Variants in PTPRM observed in about 807,000 individuals in gnomAD.
PTPRM encodes protein tyrosine phosphatase receptor type M, also known as receptor-type tyrosine-protein phosphatase mu.
In PTPRM, 47 loss-of-function variants were observed where a neutral mutation model predicts 186.7. The ratio of observed to expected loss-of-function variants is 0.25; its 90% CI spans 0.20 to 0.32. PTPRM has a LOEUF of 0.32. Ranked by LOEUF, PTPRM falls within the 10% of genes least tolerant of loss-of-function variation. The probability of loss-of-function intolerance (pLI) is 1.00; values close to 1 mark genes in which losing one functional copy is unlikely to be tolerated. For missense variants in PTPRM, 1,494 were observed against 1,865.0 expected (o/e 0.80, Z 3.66); for synonymous variants, 668 against 674.9 (o/e 0.99, Z 0.16).
intron 1 of PTPRM, among the ~76,000 whole-genome samples, chr18:7,648,374 T>A (rs1017883747): frequency 4.5e-4 from 68 of 152,204 alleles, no homozygotes; most frequent in African/African-American, 1.5e-3. Context: ...CCTCTAAGTG[T>A]TTAAGAGAAA....
At chr18:8,368,278 A>G (rs2095644252) in intron 23 of PTPRM, among the ~76,000 whole-genome samples, 1 of 151,938 alleles carries the variant, frequency 6.6e-6, no homozygotes, top group Admixed American at 6.6e-5. Context: ...TGTTACTGTC[A>G]AATTAGACAT....
At chr18:8,240,453 G>A (rs1238668995) in intron 14 of PTPRM, among the ~76,000 whole-genome samples, 2 of 77,492 alleles carry the variant, frequency 2.6e-5, no homozygotes, top group Non-Finnish European at 5.3e-5. Context: ...AAGAGAGAGA[G>A]AGAGAGAGAG....
chr18:8,157,273 G>A (rs1306464335), intron 14 of PTPRM, among the ~76,000 whole-genome samples: 3 of 152,200 alleles, frequency 2.0e-5, no homozygotes, highest in Non-Finnish European at 4.4e-5. Flanking sequence ...GCTGGCCCCA[G>A]TAAATATTAA....
chr18:8,126,987 G>A (rs2092382833), intron 13 of PTPRM, among the ~76,000 whole-genome samples: 2 of 152,014 alleles, frequency 1.3e-5, no homozygotes, highest in African/African-American at 4.8e-5. Context: ...AAGGACTTTG[G>A]TCTTGATCCC....
At chr18:8,092,958 G>A (rs1005807779) in intron 11 of PTPRM, among the ~76,000 whole-genome samples, 1 of 152,022 alleles carries the variant, frequency 6.6e-6, no homozygotes, top group Non-Finnish European at 1.5e-5. Flanking sequence ...GATCAGCCTG[G>A]ACAACATAGA....
intron 22 of PTPRM, among the ~76,000 whole-genome samples, chr18:8,337,947 G>T (rs75563241): frequency 0.095 from 14,417 of 152,236 alleles, 907 homozygotes; most frequent in East Asian, 0.2. Context: ...TGACATGTGG[G>T]GTTTACAGTC....
At position 8,337,504 on chromosome 18, in the gene PTPRM, G is replaced by A. The variant is rs529752218; in HGVS notation, c.2957-5919G>A. The stretch of plus-strand genomic sequence containing the variant: ...TTAACACTAGGCTGAGTGCTTAACT[G>A]CTGCACGCAGGGGTGGCCACTCATA... On this transcript the variant is annotated intron_variant, in intron 22 of 32. Coordinates refer to ENST00000580170, the MANE Select transcript of PTPRM (RefSeq NM_001105244.2). Among the ~76,000 whole-genome samples the A allele has an allele frequency of 3.3e-5, 5 of 152,310 alleles. No homozygotes were observed. The South Asian group carries it at 1.0e-3, about 32-fold the overall frequency.
chr18:8,191,885 G>A (rs994938995), intron 14 of PTPRM, among the ~76,000 whole-genome samples: 4 of 152,086 alleles, frequency 2.6e-5, no homozygotes, highest in African/African-American at 9.7e-5. Flanking sequence ...TGACTATGTA[G>A]CAAATTGACA....
At chr18:8,004,904 T>C (rs2084086441) in intron 7 of PTPRM, among the ~76,000 whole-genome samples, 1 of 152,150 alleles carries the variant, frequency 6.6e-6, no homozygotes. Flanking sequence ...TGCTAACTCT[T>C]TTCCCTCAAA....
intron 1 of PTPRM, among the ~76,000 whole-genome samples, chr18:7,749,979 A>T (rs1568075673): frequency 6.6e-6 from 1 of 152,222 alleles, no homozygotes; most frequent in Non-Finnish European, 1.5e-5. Flanking sequence ...ATAATGACAC[A>T]TAACGTTGGT....
chr18:8,069,972 C>G lies in PTPRM; in HGVS notation c.1419C>G (p.Leu473=). 1.9e-6 allele frequency: 3 copies of G among 1,613,746 alleles called. No individual in the cohort carries two copies. Among genetic ancestry groups the G allele is most frequent in the Non-Finnish European group, 2.5e-6 (3 of 1,179,698 alleles). The change falls in exon 8 of 33, where the codon CTC becomes CTG. Residue 473 remains leucine (L), a synonymous_variant. Transcript: ENST00000580170. The stretch of plus-strand genomic sequence containing the variant: ...AGGGCCGGAAGGAAAGCCAAGAACT[C>G]ATAGTGCAGACAGATGAAGACCGTG... ...NPEGRKESQE[L]IVQTDEDLPG...
intron 13 of PTPRM, among the ~76,000 whole-genome samples, chr18:8,125,881 A>C (rs1462065186): frequency 6.7e-6 from 1 of 150,338 alleles, no homozygotes; most frequent in African/African-American, 2.4e-5. Flanking sequence ...TTTTTCACAT[A>C]TATCTAGGCT....
chr18:7,761,632 C>T (rs2041779305), intron 1 of PTPRM, among the ~76,000 whole-genome samples: 2 of 152,096 alleles, frequency 1.3e-5, no homozygotes, highest in African/African-American at 4.8e-5. Context: ...AGTTTTTGTT[C>T]TTCCTGTTGG....
intron 22 of PTPRM, among the ~76,000 whole-genome samples, chr18:8,320,095 C>T (rs2095336347): frequency 6.6e-6 from 1 of 152,176 alleles, no homozygotes; most frequent in African/African-American, 2.4e-5. Flanking sequence ...GGCTGAACAG[C>T]ACATGTTCTC....
intron 19 of PTPRM, chr18:8,270,220 TC>T (rs1385260871): frequency 1.4e-5 from 2 of 142,590 alleles, no homozygotes; most frequent in Admixed American, 1.5e-4. Flanking sequence ...TATAAGAAAT[TC>T]ATACAACTCA....
At chr18:7,576,685 C>T (rs796112331) in intron 1 of PTPRM, among the ~76,000 whole-genome samples, 8 of 152,170 alleles carry the variant, frequency 5.3e-5, no homozygotes, top group African/African-American at 1.9e-4. Flanking sequence ...GGTACATTGC[C>T]CAGGCTAGTC....
chr18:8,092,193 G>A (rs528724978), intron 11 of PTPRM, among the ~76,000 whole-genome samples: 11 of 152,128 alleles, frequency 7.2e-5, no homozygotes, highest in African/African-American at 2.6e-4. Context: ...TCTTGAAATT[G>A]CACTAAACTC....
At chr18:7,964,975 C>T (rs918500583) in intron 7 of PTPRM, among the ~76,000 whole-genome samples, 4 of 150,902 alleles carry the variant, frequency 2.7e-5, no homozygotes, top group African/African-American at 4.9e-5. Flanking sequence ...TTATTAGTGA[C>T]ATGATAAGTG....
intron 22 of PTPRM, among the ~76,000 whole-genome samples, chr18:8,322,464 T>C (rs959809216): frequency 6.6e-6 from 1 of 152,180 alleles, no homozygotes; most frequent in African/African-American, 2.4e-5. Flanking sequence ...GATGACCCAA[T>C]ATTAACTTCA....
Sources: allele counts gnomAD v4.1 joint callset (sites outside exome capture counted in the v4.1 genomes callset), GRCh38; gene constraint gnomAD v4.1.1; transcripts MANE v1.5; gene names NCBI Gene and HGNC (gene_info 2026-07-23, HGNC 2026-07-21).